The following NPLOC4 variants were observed in gnomAD, a reference collection of about 807,000 sequenced individuals.
NPLOC4 encodes the protein NPL4 homolog, ubiquitin recognition factor.
Under a neutral mutation model 80.6 loss-of-function variants are expected in NPLOC4, and 18 were observed. The observed-to-expected ratio is 0.22, with a 90% CI of 0.15 to 0.33. NPLOC4 has a LOEUF of 0.33. NPLOC4 is among the 10% of genes least tolerant of loss of function. The pLI, the probability that NPLOC4 is intolerant of heterozygous loss-of-function variation, is 1.00. For synonymous variants in NPLOC4, 313 were observed against 301.5 expected, an observed-to-expected ratio of 1.04 and a Z score of -0.39; for missense variants, 540 against 786.1, an observed-to-expected ratio of 0.69 and a Z score of 3.74.
intron 12 of NPLOC4, among the ~76,000 whole-genome samples, chr17:81,583,700 C>T (rs1405342711): frequency 6.6e-6 from 1 of 152,156 alleles, no homozygotes; most frequent in East Asian, 1.9e-4. Context: ...CACAGCTCCC[C>T]TCATCTGTCC....
chr17:81,604,002 C>T (rs1406963793), intron 8 of NPLOC4, among the ~76,000 whole-genome samples: 1 of 152,120 alleles, frequency 6.6e-6, no homozygotes, highest in African/African-American at 2.4e-5. Flanking sequence ...CCGAGAGGGC[C>T]TTCCAATGAC....
At chr17:81,594,968 A>C (rs2034859425) in intron 11 of NPLOC4, among the ~76,000 whole-genome samples, 1 of 152,052 alleles carries the variant, frequency 6.6e-6, no homozygotes, top group African/African-American at 2.4e-5. Context: ...CAAAAAAAAA[A>C]ACACAAAAAC....
intron 9 of NPLOC4, among the ~76,000 whole-genome samples, chr17:81,598,192 G>A (rs1384950574): frequency 6.6e-6 from 1 of 151,320 alleles, no homozygotes; most frequent in Non-Finnish European, 1.5e-5. Context: ...TCCTTTTTGT[G>A]AGCCAGGTGA....
In NPLOC4 at chr17:81,559,403, CCCG is replaced by C. The variant is rs1226582436; in HGVS notation, c.1680_1682del (p.Gly561del). 4 of 1,609,848 alleles carry C rather than the reference CCCG, an allele frequency of 2.5e-6. No homozygotes were observed. Among genetic ancestry groups the C allele is most frequent in the East Asian group, 2.2e-5 (1 of 44,782 alleles). On this transcript the variant is annotated inframe_deletion, in exon 17 of 17. Coordinates refer to ENST00000331134, the MANE Select transcript of NPLOC4 (RefSeq NM_017921.4). ...CGTACTCATGGAGACCTGGGAGCTG[CCCG>C]CCAACTGTGCCTGCAGGGTGGAAGA...
intron 12 of NPLOC4, among the ~76,000 whole-genome samples, chr17:81,582,959 A>T (rs1220561896): frequency 6.6e-6 from 1 of 152,284 alleles, no homozygotes; most frequent in Non-Finnish European, 1.5e-5. Flanking sequence ...CCTCCCGGCC[A>T]GGGCCAGGCC....
intron 10 of NPLOC4, among the ~76,000 whole-genome samples, chr17:81,596,772 G>A (rs2034918562): frequency 6.6e-6 from 1 of 152,136 alleles, no homozygotes; most frequent in Non-Finnish European, 1.5e-5. Context: ...AGCTCTATGA[G>A]ACCAAGAGAT....
At chr17:81,574,748 T>G (rs1185989552) in intron 12 of NPLOC4, among the ~76,000 whole-genome samples, 4 of 152,098 alleles carry the variant, frequency 2.6e-5, no homozygotes, top group African/African-American at 9.7e-5. Context: ...GCACAGTGGC[T>G]CATGCCTGTA....
intron 7 of NPLOC4, among the ~76,000 whole-genome samples, chr17:81,605,199 T>C (rs2035169511): frequency 6.7e-6 from 1 of 150,226 alleles, no homozygotes; most frequent in African/African-American, 2.5e-5. Context: ...GAGAATGGCG[T>C]GAACCCGGGA....
chr17:81,582,577 T>C (rs1398917836), intron 12 of NPLOC4, among the ~76,000 whole-genome samples: 1 of 152,130 alleles, frequency 6.6e-6, no homozygotes, highest in Non-Finnish European at 1.5e-5. Context: ...AATTTTTTTT[T>C]GTTGTTGTAG....
intron 16 of NPLOC4, chr17:81,562,346 C>A (rs2033876350): frequency 6.6e-6 from 1 of 152,202 alleles, no homozygotes; most frequent in African/African-American, 2.4e-5. Context: ...TGAGACCAGC[C>A]TGGCCAACAT....
At chr17:81,614,144 G>A (rs546907208) in intron 3 of NPLOC4, among the ~76,000 whole-genome samples, 7 of 151,992 alleles carry the variant, frequency 4.6e-5, no homozygotes, top group African/African-American at 1.7e-4. Flanking sequence ...GGGCGTGGTG[G>A]CGCACGCCTG....
At chr17:81,624,270 T>C (rs1049267369) in intron 2 of NPLOC4, among the ~76,000 whole-genome samples, 1 of 152,004 alleles carries the variant, frequency 6.6e-6, no homozygotes, top group Admixed American at 6.6e-5. Flanking sequence ...ATACAAAAAT[T>C]AGCTAGGCGT....
chr17:81,568,896 C>T, intron 14 of NPLOC4, 120 bp downstream of exon 14: 1 of 705,044 alleles, frequency 1.4e-6, no homozygotes, highest in Non-Finnish European at 2.4e-6. Context: ...CCCTAGCTGG[C>T]CTGTCACAAG....
At position 81,559,007 on chromosome 17, in the gene NPLOC4, A is replaced by AGGC. The variant is rs748502331; in HGVS notation, c.*249_*251dup. On this transcript the variant is annotated 3_prime_UTR_variant, in exon 17 of 17. Coordinates refer to ENST00000331134, the MANE Select transcript of NPLOC4 (RefSeq NM_017921.4). ...CGGCGGGGGACTTGTCAACAGGATT[A>AGGC]GGCGTGAGGAGCCGCTCTGCGTTTC... 1 of 469,984 alleles carries AGGC rather than the reference A, an allele frequency of 2.1e-6. No individual in the cohort carries two copies. The highest frequency in any genetic ancestry group is 3.8e-6 in the Non-Finnish European group (1 of 262,938). 29.1% of individuals were successfully genotyped at this position (469,984 alleles called of 1,614,324 possible).
At chr17:81,586,348 G>A (rs1266704372) in intron 12 of NPLOC4, among the ~76,000 whole-genome samples, 2 of 152,200 alleles carry the variant, frequency 1.3e-5, no homozygotes, top group East Asian at 1.9e-4. Flanking sequence ...GTGGCCTCAC[G>A]CCTATAATCC....
At position 81,572,485 on chromosome 17, in the gene NPLOC4, C is replaced by A. The variant is rs2144062911; in HGVS notation, c.1282-397G>T. Reference sequence around the variant, plus strand: ...GGATTACAGGCGTGAGCCACCGCGTCCGGCCTTCACTTTTTAAATTACTTC... The same window carrying A: ...GGATTACAGGCGTGAGCCACCGCGTACGGCCTTCACTTTTTAAATTACTTC... On this transcript the variant is annotated intron_variant, in intron 12 of 16. Transcript: ENST00000331134. This position sits in a 1 kb window ranked among gnomAD's most constrained non-coding sequence, Gnocchi z 4.5. 6.6e-6 allele frequency among the ~76,000 whole-genome samples: 1 copy of A among 152,342 alleles called. No individual in the cohort carries two copies. Among genetic ancestry groups the A allele is most frequent in the Middle Eastern group, 3.4e-3 (1 of 294 alleles).
At chr17:81,610,289 A>G in intron 4 of NPLOC4, 31 bp from the exon 5 acceptor site, 1 of 1,558,128 alleles carries the variant, frequency 6.4e-7, no homozygotes, top group Non-Finnish European at 8.7e-7. Context: ...AAAAAGGCAG[A>G]GCAGTGAGGA....
rs1033576731 is a variant in NPLOC4 at position 81,559,170 on chromosome 17, G to C, written c.*89C>G. ...TGTTCCTCCAGGGCTGCCCACTATG[G>C]GGCAGTTACAGGGAACACACTCAGC... On this transcript the variant is annotated 3_prime_UTR_variant, in exon 17 of 17. Transcript: ENST00000331134. The C allele has an allele frequency of 2.1e-6, 3 of 1,406,084 alleles. No individual in the cohort carries two copies. The highest frequency in any genetic ancestry group is 2.8e-6 in the Non-Finnish European group (3 of 1,052,816). The allele number at this position is 1,406,084 out of a possible 1,614,324, so 87.1% of individuals were successfully genotyped here. A position where few individuals can be genotyped will look rare whatever the true frequency, so the allele number is the denominator to read the frequency against.
intron 16 of NPLOC4, among the ~76,000 whole-genome samples, chr17:81,559,632 G>A (rs1038741582): frequency 3.3e-5 from 5 of 152,118 alleles, no homozygotes; most frequent in East Asian, 3.9e-4. Flanking sequence ...GAGTAACAGG[G>A]AGCCTGTGCT....
Sources: gnomAD v4.1 joint callset for allele counts (sites outside exome capture counted in the v4.1 genomes callset) on GRCh38, gnomAD v4.1.1 for gene constraint, Gnocchi (gnomAD v3.1) non-coding constraint, MANE v1.5 for transcripts, NCBI Gene and HGNC (gene_info 2026-07-23, HGNC 2026-07-21) for gene names.